The following DSC1 variants were observed in gnomAD, a reference collection of about 807,000 sequenced individuals.
DSC1 encodes the protein desmocollin-1.
In DSC1, 79 loss-of-function variants were observed where a neutral mutation model predicts 98.8. The observed-to-expected ratio is 0.80, with a 90% CI of 0.67 to 0.96. The LOEUF is 0.96. DSC1 is among the 50% of genes least tolerant of loss of function. DSC1 has a pLI of 0.00. For synonymous variants in DSC1, 405 were observed against 372.1 expected (o/e 1.09, Z -1.02); for missense variants, 1,115 against 1,075.9 (o/e 1.04, Z -0.51).
At position 31,130,564 on chromosome 18, in the gene DSC1, G is replaced by T; in HGVS notation, c.2635C>A (p.His879Asn). 1 of 1,614,120 alleles carries T rather than the reference G, an allele frequency of 6.2e-7. No homozygotes were observed. Among genetic ancestry groups the T allele is most frequent in the African/African-American group, 1.3e-5 (1 of 75,020 alleles). ...AATGTCCTAAATTTGGGTTCCAGGT[G>T]ATCTAGAAACTCCAGTCCCTCTTCT... ...QEEEGLEFLD[H>N]LEPKFRTLAK... Residue 879 changes from histidine (H) to asparagine (N), a missense_variant, in exon 16 of 16, where the codon CAC (histidine) becomes AAC (asparagine). His to Asn is a moderately conservative substitution (Grantham distance 68). Coordinates refer to ENST00000257198, the MANE Select transcript of DSC1 (RefSeq NM_024421.2).
intron 8 of DSC1, among the ~76,000 whole-genome samples, chr18:31,142,723 A>T (rs1279556285): frequency 6.6e-6 from 1 of 152,166 alleles, no homozygotes; most frequent in Non-Finnish European, 1.5e-5. Context: ...TATTATTACA[A>T]AAGCATAAGA....
intron 5 of DSC1, among the ~76,000 whole-genome samples, chr18:31,149,163 A>G (rs981684982): frequency 2.6e-5 from 4 of 152,212 alleles, no homozygotes; most frequent in African/African-American, 9.6e-5. Flanking sequence ...TTTCAAAATG[A>G]ATGCCTTGTC....
intron 5 of DSC1, 76 bp downstream of exon 5, chr18:31,154,698 T>C (rs945216033): frequency 9.6e-6 from 12 of 1,244,932 alleles, no homozygotes; most frequent in Non-Finnish European, 1.2e-5. Flanking sequence ...TTATAATATG[T>C]AAACAAGCAT....
rs1988434282 is a variant in DSC1, at chr18:31,129,312, C to A, written c.*1202G>T. 2 of 150,096 alleles carry A rather than the reference C, an allele frequency of 1.3e-5. No homozygotes were observed. Among genetic ancestry groups the A allele is most frequent in the African/African-American group, 4.9e-5 (2 of 40,662 alleles). The allele number at this position is 150,096 out of a possible 1,614,324, so 9.3% of individuals were successfully genotyped here. ...GTGCAGTGGCAATCTCGGCTCACTG[C>A]AACCTCCGCCTCCTGGATTCAAGCG... On this transcript the variant is annotated 3_prime_UTR_variant, in exon 16 of 16. Coordinates refer to ENST00000257198, the MANE Select transcript of DSC1 (RefSeq NM_024421.2).
At chr18:31,153,697 C>G (rs988436144) in intron 5 of DSC1, among the ~76,000 whole-genome samples, 7 of 152,116 alleles carry the variant, frequency 4.6e-5, no homozygotes, top group African/African-American at 7.2e-5. Context: ...TTTTTACTTA[C>G]TAGCTTCATA....
chr18:31,139,417 G>A (rs1267964521), intron 11 of DSC1, among the ~76,000 whole-genome samples: 2 of 151,906 alleles, frequency 1.3e-5, no homozygotes, highest in Non-Finnish European at 2.9e-5. Context: ...GAAAAAAAAC[G>A]GTGATCCTTG....
chr18:31,134,868 G>T, intron 11 of DSC1, 84 bp from the exon 12 acceptor site: 3 of 1,280,438 alleles, frequency 2.3e-6, no homozygotes, highest in Non-Finnish European at 2.2e-6. Context: ...GTTGACATCT[G>T]CTTTCTACTA....
chr18:31,150,716 A>G (rs1988985823), intron 5 of DSC1: 1 of 152,392 alleles, frequency 6.6e-6, no homozygotes, highest in Admixed American at 6.5e-5. Context: ...CGTATAGATG[A>G]TGTGGATTTT....
Position 31,143,721 on chromosome 18 carries a change from G to C in DSC1, c.1010C>G (p.Thr337Arg), listed in dbSNP as rs1988785118. ...MGGQPFGLFNTGTITISLEDE... is the reference protein window; with the variant it reads ...MGGQPFGLFNRGTITISLEDE... ...CTCAAGTGAAATAGTAATTGTTCCT[G>C]TATTAAATAAACCGAAAGGCTGACC... Residue 337 changes from threonine to arginine, a missense_variant, in exon 8 of 16, where the codon ACA becomes AGA. Coordinates refer to ENST00000257198, the MANE Select transcript of DSC1 (RefSeq NM_024421.2). 1 of 1,602,012 alleles carries C rather than the reference G, an allele frequency of 6.2e-7. No homozygotes were observed. Among genetic ancestry groups the C allele is most frequent in the African/African-American group, 1.3e-5 (1 of 74,470 alleles).
chr18:31,158,793 T>C (rs1473592398), intron 2 of DSC1, among the ~76,000 whole-genome samples: 1 of 152,170 alleles, frequency 6.6e-6, no homozygotes, highest in African/African-American at 2.4e-5. Flanking sequence ...TCATGTCTAA[T>C]CAATTGAAGA....
chr18:31,144,936 C>CTTTTTTTTTTTTTTTTTT (rs200787420), intron 7 of DSC1, among the ~76,000 whole-genome samples: 1 of 95,310 alleles, frequency 1.0e-5, no homozygotes, highest in Non-Finnish European at 1.9e-5. Context: ...TTTTCTTTTT[C>CTTTTTTTTTTTTTTTTTT]TTTCTTTTTT....
In DSC1 at chr18:31,162,817, G is replaced by A; in HGVS notation, c.-223C>T. On this transcript the variant is annotated 5_prime_UTR_variant, in exon 1 of 16. Transcript: ENST00000257198. ...TCCCTGGCCAGTCTCCTTCCTTCCAGTTCAATTACGTCTAAATGCAAAGAG... is the reference window on the plus strand; with the variant it reads ...TCCCTGGCCAGTCTCCTTCCTTCCAATTCAATTACGTCTAAATGCAAAGAG... The A allele has an allele frequency of 1.9e-6, 1 of 529,514 alleles. No individual in the cohort carries two copies. The highest frequency in any genetic ancestry group is 3.3e-5 in the Admixed American group (1 of 29,980). The allele number at this position is 529,514 out of a possible 1,614,324, so 32.8% of individuals were successfully genotyped here. A position where few individuals can be genotyped will look rare whatever the true frequency, so the allele number is the denominator to read the frequency against.
Position 31,132,617 on chromosome 18 carries a change from T to G in DSC1, c.2189A>C (p.Gln730Pro). ...AGTATTTGATACAATTAAATTTTGC[T>G]GGGCTATGTCTTCTGGAAAACATTT... The part of the protein sequence containing the change: ...VKKCFPEDIA[Q>P]QNLIVSNTEG... The change falls in exon 14 of 16, where the codon CAG (glutamine) becomes CCG (proline). Residue 730 changes from glutamine (Q) to proline (P), a missense_variant. Coordinates refer to ENST00000257198, the MANE Select transcript of DSC1 (RefSeq NM_024421.2). 1.2e-6 allele frequency: 2 copies of G among 1,613,642 alleles called. No individual in the cohort carries two copies. Among genetic ancestry groups the G allele is most frequent in the African/African-American group, 1.3e-5 (1 of 75,026 alleles).
At chr18:31,162,427 T>G in intron 1 of DSC1, 105 bp downstream of exon 1, 1 of 1,072,638 alleles carries the variant, frequency 9.3e-7, no homozygotes, top group Non-Finnish European at 1.4e-6. Context: ...CCAATCTCTC[T>G]TCTCTGCCTC....
At position 31,160,268 on chromosome 18, in the gene DSC1, A is replaced by G. The variant is rs76528888; in HGVS notation, c.64-739T>C. Among the ~76,000 whole-genome samples, 186 of 152,308 alleles carry G rather than the reference A, an allele frequency of 1.2e-3. 1 individual carries two copies. Among genetic ancestry groups the G allele is most frequent in the African/African-American group, 4.4e-3 (181 of 41,578 alleles). On this transcript the variant is annotated intron_variant, in intron 1 of 15. Transcript: ENST00000257198. ...CATTTCAAAAATGTCTATAGGTTCA[A>G]AATATATTTTACTTCTTTTTCTTGG...
At chr18:31,138,262 C>A (rs1331754154) in intron 11 of DSC1, among the ~76,000 whole-genome samples, 1 of 152,050 alleles carries the variant, frequency 6.6e-6, no homozygotes, top group Non-Finnish European at 1.5e-5. Flanking sequence ...CTCCAGATAG[C>A]ATTTTATTTT....
intron 3 of DSC1, among the ~76,000 whole-genome samples, chr18:31,156,422 G>A (rs1331037432): frequency 1.3e-5 from 2 of 152,090 alleles, no homozygotes; most frequent in African/African-American, 4.8e-5. Context: ...CTTTGAGAAA[G>A]TATAAACTCC....
rs770176305 is a variant in DSC1, at chr18:31,157,521, A to G, written c.201T>C (p.Pro67=). 2 of 1,614,128 alleles carry G rather than the reference A, an allele frequency of 1.2e-6. No homozygotes were observed. Among genetic ancestry groups the G allele is most frequent in the Non-Finnish European group, 1.7e-6 (2 of 1,180,044 alleles). The change falls in exon 3 of 16, where the codon CCT becomes CCC. Residue 67 remains proline (P), a synonymous_variant. Transcript: ENST00000257198. ...AGCCATCTTCTAGAATTCTGAAGGC[A>G]GGGTCACTGGACCGGATTAGGCTGG... ...KSASLIRSSD[P]AFRILEDGSI... is the part of the protein sequence containing the mutation.
intron 1 of DSC1, among the ~76,000 whole-genome samples, chr18:31,159,997 G>T (rs996521112): frequency 6.6e-6 from 1 of 152,134 alleles, no homozygotes; most frequent in Non-Finnish European, 1.5e-5. Flanking sequence ...TAACCTCACA[G>T]AAAAATAATG....
Sources: allele counts gnomAD v4.1 joint callset (sites outside exome capture counted in the v4.1 genomes callset), GRCh38; gene constraint gnomAD v4.1.1; transcripts MANE v1.5; gene names NCBI Gene and HGNC (gene_info 2026-07-23, HGNC 2026-07-21).